Variants in ISX observed in about 807,000 individuals in gnomAD.
ISX encodes the protein intestine-specific homeobox.
In ISX, 15 loss-of-function variants were observed where a neutral mutation model predicts 16.9. The observed-to-expected ratio is 0.89, with a 90% CI of 0.59 to 1.36. The LOEUF (loss-of-function observed/expected upper bound fraction) is 1.36, where lower values mean the gene tolerates loss of function less well. ISX is among the 40% of genes most tolerant of loss of function. ISX has a pLI of 0.00. For missense variants in ISX, 316 were observed against 306.1 expected, an observed-to-expected ratio of 1.03 and a Z score of -0.24; for synonymous variants, 125 against 119.7, an observed-to-expected ratio of 1.04 and a Z score of -0.29.
At chr22:35,067,465 T>C (rs530743823) in intron 2 of ISX, 149 bp downstream of exon 2, 3 of 626,600 alleles carry the variant, frequency 4.8e-6, no homozygotes, top group East Asian at 2.7e-5. Context: ...TTTCCTGATA[T>C]ACCTTTCAAT....
chr22:35,067,349 C>G, intron 2 of ISX, 33 bp downstream of exon 2: 3 of 1,475,840 alleles, frequency 2.0e-6, no homozygotes, highest in Non-Finnish European at 2.8e-6. Flanking sequence ...TTTCTGTTTC[C>G]TGGTCTCCAA....
intron 2 of ISX, among the ~76,000 whole-genome samples, chr22:35,076,645 C>G (rs540945703): frequency 1.3e-5 from 2 of 152,156 alleles, no homozygotes; most frequent in Non-Finnish European, 2.9e-5. Context: ...CAAAGTCCCC[C>G]GGGCCTTTAG....
intron 2 of ISX, among the ~76,000 whole-genome samples, chr22:35,077,744 A>G (rs1039047855): frequency 6.6e-6 from 1 of 152,128 alleles, no homozygotes; most frequent in Admixed American, 6.5e-5. Context: ...CCCCTCCCCC[A>G]TGAAGTCAGC....
chr22:35,069,621 C>T (rs1928797137), intron 2 of ISX, among the ~76,000 whole-genome samples: 1 of 152,190 alleles, frequency 6.6e-6, no homozygotes, highest in Admixed American at 6.5e-5. Flanking sequence ...TGATCCCAGG[C>T]AGGGCAGGAG....
intron 2 of ISX, among the ~76,000 whole-genome samples, chr22:35,076,113 T>A (rs1672295622): frequency 6.8e-6 from 1 of 148,032 alleles, no homozygotes; most frequent in South Asian, 2.1e-4. Context: ...AAAAAAAAAA[T>A]ACCTATTGTG....
chr22:35,073,890 A>G (rs1047451981), intron 2 of ISX, among the ~76,000 whole-genome samples: 12 of 152,244 alleles, frequency 7.9e-5, no homozygotes, highest in African/African-American at 2.9e-4. Flanking sequence ...TTTCGACAGG[A>G]AAGTGTACAG....
In ISX at chr22:35,070,596, C is replaced by T. The variant is rs1240455395; in HGVS notation, c.229+3280C>T. ...ACCCAGGTATCTTCCCTTGCCTGCTCACCATCTATTCATTCAGTCAGTGAC... is the reference window on the plus strand; with the variant it reads ...ACCCAGGTATCTTCCCTTGCCTGCTTACCATCTATTCATTCAGTCAGTGAC... On this transcript the variant is annotated intron_variant, in intron 2 of 4. Transcript: ENST00000404699. 3.3e-5 allele frequency among the ~76,000 whole-genome samples: 5 copies of T among 152,232 alleles called. No individual in the cohort carries two copies. The East Asian group carries it at 9.7e-4, about 29-fold the overall frequency.
At chr22:35,074,406 T>C (rs1028756532) in intron 2 of ISX, among the ~76,000 whole-genome samples, 1 of 152,248 alleles carries the variant, frequency 6.6e-6, no homozygotes, top group East Asian at 1.9e-4. Context: ...GATGGTTCCT[T>C]ATTTCAGGAC....
chr22:35,082,739 A>G (rs1929152767), intron 3 of ISX, 70 bp downstream of exon 3: 2 of 1,544,284 alleles, frequency 1.3e-6, no homozygotes, highest in Admixed American at 1.8e-5. Flanking sequence ...CAATATATCC[A>G]GGGACTTTTC....
At chr22:35,078,813 C>T (rs1297705535) in intron 2 of ISX, among the ~76,000 whole-genome samples, 1 of 152,236 alleles carries the variant, frequency 6.6e-6, no homozygotes, top group African/African-American at 2.4e-5. Context: ...GTCCCTTTCA[C>T]CAAGTAAACG....
intron 2 of ISX, among the ~76,000 whole-genome samples, chr22:35,067,675 C>T (rs1019536155): frequency 6.6e-6 from 1 of 152,210 alleles, no homozygotes; most frequent in Non-Finnish European, 1.5e-5. Context: ...GATAAGAAAA[C>T]TCATCTGTGA....
At chr22:35,079,704 G>T (rs1476566336) in intron 2 of ISX, among the ~76,000 whole-genome samples, 2 of 152,190 alleles carry the variant, frequency 1.3e-5, no homozygotes, top group Non-Finnish European at 2.9e-5. Context: ...AATCAGGAGA[G>T]GCAAGGTGTT....
chr22:35,083,262 A>G (rs1372524144), intron 3 of ISX, among the ~76,000 whole-genome samples: 1 of 152,230 alleles, frequency 6.6e-6, no homozygotes, highest in Admixed American at 6.5e-5. Flanking sequence ...ATTCAAAAAC[A>G]GGTGAAAGGC....
In ISX at chr22:35,085,553, T is replaced by C. The variant is rs763398623; in HGVS notation, c.598T>C (p.Trp200Arg). Residue 200 changes from tryptophan to arginine, a missense_variant, in exon 5 of 5, where the codon TGG becomes CGG. Coordinates refer to ENST00000404699, the MANE Select transcript of ISX (RefSeq NM_001303508.2). ...GCTGGCCTCTGCCTGGTTCCCTGCC[T>C]GGATCACCCTCCTCCCAGCGCACCC... Reference protein sequence around the residue: ...DQLASAWFPAWITLLPAHPWE... With the variant: ...DQLASAWFPARITLLPAHPWE... The C allele has an allele frequency of 2.5e-6, 4 of 1,614,112 alleles. No homozygotes were observed. The highest frequency in any genetic ancestry group is 1.7e-6 in the Non-Finnish European group (2 of 1,180,046).
intron 2 of ISX, among the ~76,000 whole-genome samples, chr22:35,078,854 T>A (rs1222686954): frequency 6.6e-6 from 1 of 152,166 alleles, no homozygotes; most frequent in Admixed American, 6.5e-5. Context: ...GGTGAGTGCT[T>A]TTGAGCCATT....
chr22:35,079,394 G>A (rs371753240), intron 2 of ISX, among the ~76,000 whole-genome samples: 1 of 152,124 alleles, frequency 6.6e-6, no homozygotes, highest in East Asian at 1.9e-4. Context: ...TGTCCAACAG[G>A]ATTGAGAGCA....
chr22:35,077,606 ACAACAT>A (rs1929017076), intron 2 of ISX, among the ~76,000 whole-genome samples: 1 of 113,140 alleles, frequency 8.8e-6, no homozygotes, highest in South Asian at 2.6e-4. Flanking sequence ...AGACACAAGC[ACAACAT>A]CATCATCATC....
intron 2 of ISX, among the ~76,000 whole-genome samples, chr22:35,068,444 C>G (rs1241809780): frequency 5.9e-5 from 9 of 152,176 alleles, no homozygotes; most frequent in Non-Finnish European, 1.2e-4. Context: ...TGGTGTGTTT[C>G]CCTATAGCTG....
intron 2 of ISX, among the ~76,000 whole-genome samples, chr22:35,080,199 G>A (rs1015823251): frequency 6.6e-6 from 1 of 151,984 alleles, no homozygotes; most frequent in Non-Finnish European, 1.5e-5. Flanking sequence ...CTTGCTCCTG[G>A]GTCCTGTCCT....
Sources: allele counts gnomAD v4.1 joint callset (sites outside exome capture counted in the v4.1 genomes callset), GRCh38; gene constraint gnomAD v4.1.1; transcripts MANE v1.5; gene names NCBI Gene and HGNC (gene_info 2026-07-23, HGNC 2026-07-21).